Variants in SLC38A8 observed in about 807,000 individuals in gnomAD.
SLC38A8 encodes solute carrier family 38 member 8, also known as amino acid transporter SLC38A8.
Under a neutral mutation model 46.0 loss-of-function variants are expected in SLC38A8, and 65 were observed. The observed-to-expected ratio is 1.41, with a 90% CI of 1.16 to 1.74. The LOEUF (loss-of-function observed/expected upper bound fraction) is 1.74, where lower values mean the gene tolerates loss of function less well. Among genes scored for constraint, SLC38A8 ranks in the 40% most tolerant of loss-of-function variants. The probability of loss-of-function intolerance (pLI) is 0.00; values close to 1 mark genes in which losing one functional copy is unlikely to be tolerated. For synonymous variants in SLC38A8, 447 were observed against 243.7 expected (o/e 1.83, Z -7.77); for missense variants, 998 against 567.9 (o/e 1.76, Z -7.70).
chr16:84,030,761 G>T (rs2085228165), intron 5 of SLC38A8, among the ~76,000 whole-genome samples: 1 of 152,162 alleles, frequency 6.6e-6, no homozygotes, highest in African/African-American at 2.4e-5. Context: ...AATATGCGGG[G>T]ACCCTTGTTG....
chr16:84,019,729 TCAAAAG>T (rs1189687429), intron 7 of SLC38A8, among the ~76,000 whole-genome samples: 18 of 152,250 alleles, frequency 1.2e-4, no homozygotes, highest in South Asian at 4.2e-4. Flanking sequence ...GCCTGTGAAA[TCAAAAG>T]CAATCTACTT....
intron 5 of SLC38A8, 118 bp downstream of exon 5, chr16:84,031,749 G>C: frequency 2.4e-6 from 2 of 828,084 alleles, no homozygotes; most frequent in Non-Finnish European, 3.9e-6. Context: ...AGAACTGGAA[G>C]GAAGGAGCCC....
In SLC38A8 at chr16:84,033,469, A is replaced by G. The variant is rs1371336042; in HGVS notation, c.389T>C (p.Leu130Pro). The change falls in exon 4 of 11, where the codon CTG becomes CCG. Residue 130 changes from leucine to proline, a missense_variant and splice_region_variant. Transcript: ENST00000299709. ...GGTGCCAGACAGGAGGGAGTCACAC[A>G]CTGCCAGAGACACGGGGAGAGCTGA... is the stretch of plus-strand genomic sequence containing the variant. ...LRVIGDQLEK[L>P]CDSLLSGTPP... 1.3e-6 allele frequency: 2 copies of G among 1,596,774 alleles called. No homozygotes were observed. Among genetic ancestry groups the G allele is most frequent in the East Asian group, 2.2e-5 (1 of 44,542 alleles).
At chr16:84,011,546 C>T (rs1169808024) in intron 10 of SLC38A8, among the ~76,000 whole-genome samples, 1 of 152,198 alleles carries the variant, frequency 6.6e-6, no homozygotes, top group Non-Finnish European at 1.5e-5. Flanking sequence ...ACGATTGCTG[C>T]CATTTAACAT....
chr16:84,037,536 G>A (rs2326163), intron 2 of SLC38A8, among the ~76,000 whole-genome samples: 36,976 of 151,964 alleles, frequency 0.24, 4,564 homozygotes, highest in South Asian at 0.28. Context: ...CGAGGTAGGC[G>A]GATCACCTGA....
chr16:84,016,566 A>C lies in SLC38A8; in HGVS notation c.1115T>G (p.Val372Gly). Residue 372 changes from valine (V) to glycine (G), a missense_variant, in exon 9 of 11, where the codon GTC becomes GGC. Val to Gly is a moderately radical substitution (Grantham distance 109). Transcript: ENST00000299709. ...GGAACTGATGCCTCCGATGATGCTG[A>C]CGATCTCGCTGAGGTCAGGCATAAA... ...ALFMPDLSEIVSIIGGISSFF... is the reference protein window; with the variant it reads ...ALFMPDLSEIGSIIGGISSFF... 3 of 1,614,096 alleles carry C rather than the reference A, an allele frequency of 1.9e-6. No individual in the cohort carries two copies. The highest frequency in any genetic ancestry group is 1.7e-6 in the Non-Finnish European group (2 of 1,180,026).
At chr16:84,014,734 C>G (rs116428628) in intron 9 of SLC38A8, among the ~76,000 whole-genome samples, 1 of 152,208 alleles carries the variant, frequency 6.6e-6, no homozygotes, top group African/African-American at 2.4e-5. Context: ...GGGGCAGGTA[C>G]GGTTAGATTC....
intron 2 of SLC38A8, among the ~76,000 whole-genome samples, chr16:84,040,240 G>A (rs1245740131): frequency 6.6e-5 from 10 of 152,302 alleles, no homozygotes; most frequent in Non-Finnish European, 1.5e-5. Context: ...GAGGCTAAAA[G>A]GAACAACTTG....
At chr16:84,017,008 C>G in intron 8 of SLC38A8, 132 bp downstream of exon 8, 2 of 1,294,788 alleles carry the variant, frequency 1.5e-6, no homozygotes, top group Non-Finnish European at 2.1e-6. Flanking sequence ...TCCTCTGTGC[C>G]TGTTTCCTCC....
rs2085071322 is a variant in SLC38A8, at chr16:84,019,523, C to G, written c.806-2236G>C. 2.0e-5 allele frequency among the ~76,000 whole-genome samples: 3 copies of G among 152,208 alleles called. No homozygotes were observed. In the South Asian group the frequency reaches 6.2e-4, roughly 31 times the overall value. On this transcript the variant is annotated intron_variant, in intron 7 of 10. Transcript: ENST00000299709. ...TAAAGGCCCCACCTCTCGATACTGC[C>G]ATACTGGCAATTTAATTTCAACAAG...
intron 6 of SLC38A8, 38 bp from the exon 7 acceptor site, chr16:84,022,927 C>G (rs769226943): frequency 2.0e-6 from 3 of 1,479,424 alleles, no homozygotes; most frequent in Admixed American, 4.9e-5. Flanking sequence ...ATGCTGGCTT[C>G]CCCTGGAACA....
chr16:84,015,333 A>C (rs1376252986), intron 9 of SLC38A8, among the ~76,000 whole-genome samples: 1 of 151,804 alleles, frequency 6.6e-6, no homozygotes, highest in Non-Finnish European at 1.5e-5. Context: ...TTCTCAGATA[A>C]TGCTTGGGCT....
chr16:84,034,224 C>G (rs941640457), intron 3 of SLC38A8, among the ~76,000 whole-genome samples: 1 of 152,254 alleles, frequency 6.6e-6, no homozygotes, highest in East Asian at 1.9e-4. Flanking sequence ...CAGAAGCTGC[C>G]TGTCCTCTTA....
intron 3 of SLC38A8, among the ~76,000 whole-genome samples, chr16:84,035,080 A>C (rs1392839077): frequency 6.6e-6 from 1 of 152,172 alleles, no homozygotes; most frequent in Admixed American, 6.5e-5. Flanking sequence ...TCTCCACCAC[A>C]GTCAATCAAC....
At chr16:84,034,659 G>A (rs1302975629) in intron 3 of SLC38A8, among the ~76,000 whole-genome samples, 2 of 152,226 alleles carry the variant, frequency 1.3e-5, no homozygotes, top group African/African-American at 4.8e-5. Context: ...TGTGAGAATA[G>A]CTCAAGCGTA....
chr16:84,030,587 G>C (rs978684927), intron 5 of SLC38A8, among the ~76,000 whole-genome samples: 2 of 151,970 alleles, frequency 1.3e-5, no homozygotes, highest in African/African-American at 4.8e-5. Context: ...TGCTCCCAGG[G>C]ACCCGCCCTG....
chr16:84,013,424 GTTTTTTTTTT>G (rs1221293803), intron 9 of SLC38A8, among the ~76,000 whole-genome samples: 1 of 64,046 alleles, frequency 1.6e-5, no homozygotes, highest in East Asian at 4.6e-4. Context: ...TTGTGTGTGT[GTTTTTTTTTT>G]TTTTTTTTTT....
rs191891019 is a variant in SLC38A8 at position 84,039,688 on chromosome 16, C to A, written c.189+2281G>T. ...GCTTGAACCAGGGAGGCGGAGGTTGCAGTGAGCTGAGATCACGCCATTGCA... is the reference window on the plus strand; with the variant it reads ...GCTTGAACCAGGGAGGCGGAGGTTGAAGTGAGCTGAGATCACGCCATTGCA... On this transcript the variant is annotated intron_variant, in intron 2 of 10. Coordinates refer to ENST00000299709, the MANE Select transcript of SLC38A8 (RefSeq NM_001080442.3). Among the ~76,000 whole-genome samples, 6 of 136,538 alleles carry A rather than the reference C, an allele frequency of 4.4e-5. No homozygotes were observed. In the East Asian group the frequency reaches 1.4e-3, roughly 32 times the overall value. The allele number at this position is 136,538 out of a possible 152,430, so 89.6% of individuals were successfully genotyped here.
At chr16:84,030,365 C>T (rs535567731) in intron 5 of SLC38A8, among the ~76,000 whole-genome samples, 1 of 152,164 alleles carries the variant, frequency 6.6e-6, no homozygotes, top group African/African-American at 2.4e-5. Flanking sequence ...TCCTCATCCC[C>T]TCGACCTGCC....
Sources: gnomAD v4.1 joint callset for allele counts (sites outside exome capture counted in the v4.1 genomes callset) on GRCh38, gnomAD v4.1.1 for gene constraint, MANE v1.5 for transcripts, NCBI Gene and HGNC (gene_info 2026-07-23, HGNC 2026-07-21) for gene names.